The following C8orf58 variants were observed in gnomAD, a reference collection of about 807,000 sequenced individuals.
C8orf58 encodes uncharacterized protein C8orf58.
In C8orf58, 31 loss-of-function variants were observed where a neutral mutation model predicts 36.8. The observed-to-expected ratio is 0.84, with a 90% CI of 0.63 to 1.14. The LOEUF (loss-of-function observed/expected upper bound fraction) is 1.14, where lower values mean the gene tolerates loss of function less well. C8orf58 is among the 50% of genes most tolerant of loss of function. C8orf58 has a pLI of 0.00. For missense variants in C8orf58, 538 were observed against 480.8 expected, an observed-to-expected ratio of 1.12 and a Z score of -1.11; for synonymous variants, 230 against 200.2, an observed-to-expected ratio of 1.15 and a Z score of -1.26.
At position 22,603,506 on chromosome 8, in the gene C8orf58, C is replaced by G. The variant is rs552167838; in HGVS notation, c.*200C>G. 2 of 626,300 alleles carry G rather than the reference C, an allele frequency of 3.2e-6. No individual in the cohort carries two copies. Among genetic ancestry groups the G allele is most frequent in the Admixed American group, 2.4e-5 (1 of 41,318 alleles). The allele number at this position is 626,300 out of a possible 1,614,324, so 38.8% of individuals were successfully genotyped here. A position where few individuals can be genotyped will look rare whatever the true frequency, so the allele number is the denominator to read the frequency against. On this transcript the variant is annotated 3_prime_UTR_variant, in exon 7 of 7. Transcript: ENST00000289989. ...GGTTTCTTGAGAGGCCCCCAAGATG[C>G]CGCAGCTCCAGGGCTCTTCCTCCTC...
rs1226701940 is a variant in C8orf58, at chr8:22,603,725, C to A, written c.*419C>A. 8 of 316,502 alleles carry A rather than the reference C, an allele frequency of 2.5e-5. No homozygotes were observed. The highest frequency in any genetic ancestry group is 5.0e-5 in the Non-Finnish European group (8 of 160,436). 19.6% of individuals were successfully genotyped at this position (316,502 alleles called of 1,614,324 possible). ...AACCATCTCTTCTGAAATAATGCAT[C>A]CAAAGGGTTGATATTCTGGGGGAGG... is the stretch of plus-strand genomic sequence containing the variant. On this transcript the variant is annotated 3_prime_UTR_variant, in exon 7 of 7. Transcript: ENST00000289989.
In C8orf58 at chr8:22,601,237, A is replaced by G. The variant is rs1800846130; in HGVS notation, c.396A>G (p.Ser132=). The stretch of plus-strand genomic sequence containing the variant: ...TCCCAACAGCTCCCACCAGCTTGTC[A>G]GGACAACACCGCTCCCTGCGGCTGG... ...RRLPTAPTSL[S]GQHRSLRLAS... Residue 132 remains serine (S), a synonymous_variant, in exon 2 of 7, where the codon TCA becomes TCG. Coordinates refer to ENST00000289989, the MANE Select transcript of C8orf58 (RefSeq NM_001013842.3). 1 of 1,610,408 alleles carries G rather than the reference A, an allele frequency of 6.2e-7. No homozygotes were observed. The highest frequency in any genetic ancestry group is 8.5e-7 in the Non-Finnish European group (1 of 1,178,920).
rs764326504 is a variant in C8orf58, at chr8:22,601,336, G to A, written c.495G>A (p.Glu165=). Residue 165 remains glutamate, a synonymous_variant, in exon 2 of 7, where the codon GAG becomes GAA. Transcript: ENST00000289989. ...CCATGGAGGCAGACACAGACCTAGA[G>A]GCAGGCCTGGAAGAAGAGGCGGTGA... The part of the protein sequence containing the change: ...QESMEADTDL[E]AGLEEEAVGG... 4.4e-6 allele frequency: 7 copies of A among 1,587,032 alleles called. No homozygotes were observed. Among genetic ancestry groups the A allele is most frequent in the African/African-American group, 2.7e-5 (2 of 74,370 alleles).
In C8orf58 at chr8:22,601,792, G is replaced by A. The variant is rs763051825; in HGVS notation, c.597G>A (p.Leu199=). 6.8e-6 allele frequency: 11 copies of A among 1,612,502 alleles called. No homozygotes were observed. The highest frequency in any genetic ancestry group is 9.3e-6 in the Non-Finnish European group (11 of 1,179,792). Residue 199 remains leucine (L), a synonymous_variant, in exon 3 of 7, where the codon CTG becomes CTA. Coordinates refer to ENST00000289989, the MANE Select transcript of C8orf58 (RefSeq NM_001013842.3). ...ATCTGGAACACCTGTGCCTGGTGCT[G>A]GAGCAGATGGCAAGGCTCCAGCAGC... ...LRYLEHLCLV[L]EQMARLQQLY...
In C8orf58 at chr8:22,603,167, A is replaced by G; in HGVS notation, c.987-28A>G. 1 of 1,517,886 alleles carries G rather than the reference A, an allele frequency of 6.6e-7. No homozygotes were observed. Among genetic ancestry groups the G allele is most frequent in the African/African-American group, 1.4e-5 (1 of 72,958 alleles). 94.0% of individuals were successfully genotyped at this position (1,517,886 alleles called of 1,614,324 possible). On this transcript the variant is annotated intron_variant, in intron 6 of 6. Coordinates refer to ENST00000289989, the MANE Select transcript of C8orf58 (RefSeq NM_001013842.3). ...ATTGTTAGTTTTATTTCCCCCTTCTAGCCTAATGTCTTCTTTTCATTCCAC... is the reference window on the plus strand; with the variant it reads ...ATTGTTAGTTTTATTTCCCCCTTCTGGCCTAATGTCTTCTTTTCATTCCAC...
chr8:22,603,123 TTC>T, intron 6 of C8orf58, 70 bp from the exon 7 acceptor site: 1 of 1,174,304 alleles, frequency 8.5e-7, no homozygotes, highest in Non-Finnish European at 1.3e-6. Context: ...ATAAACCACG[TTC>T]TCTCAACTCT....
chr8:22,600,949 C>G lies in C8orf58; in HGVS notation c.108C>G (p.Ile36Met), dbSNP rs1330675595. ...GAGTCACCAGCACCTACAGACGGAT[C>G]CCCGACGCTGCCCACGGGTGCTCAT... Reference protein sequence around the residue: ...VPGVTSTYRRIPDAAHGCSSW... With the variant: ...VPGVTSTYRRMPDAAHGCSSW... Residue 36 changes from isoleucine to methionine, a missense_variant, in exon 2 of 7, where the codon ATC becomes ATG. Physicochemically the swap from Ile to Met is conservative, Grantham distance 10 (BLOSUM62 1). Transcript: ENST00000289989. 7.4e-6 allele frequency: 12 copies of G among 1,612,366 alleles called. No individual in the cohort carries two copies. Among genetic ancestry groups the G allele is most frequent in the Non-Finnish European group, 1.0e-5 (12 of 1,179,996 alleles).
Position 22,602,210 on chromosome 8 carries a change from TGC to T in C8orf58, c.778_779del (p.Ala260PhefsTer58). On this transcript the variant is annotated frameshift_variant, in exon 5 of 7. Coordinates refer to ENST00000289989, the MANE Select transcript of C8orf58 (RefSeq NM_001013842.3). LOFTEE classifies it high-confidence loss of function. ...SQTEHTGAKA[A>X]SPPKVEVPSA... ...ACTGTCTTTCTGAAGGAGCAAAGGC[TGC>T]TTCACCCCCAAAGGTGGAGGTGCCC... 6.2e-7 allele frequency: 1 copy of T among 1,601,576 alleles called. No individual in the cohort carries two copies. Among genetic ancestry groups the T allele is most frequent in the Non-Finnish European group, 8.5e-7 (1 of 1,175,034 alleles).
At position 22,603,310 on chromosome 8, in the gene C8orf58, C is replaced by T; in HGVS notation, c.*4C>T. 6.2e-7 allele frequency: 1 copy of T among 1,600,262 alleles called. No individual in the cohort carries two copies. The highest frequency in any genetic ancestry group is 8.6e-7 in the Non-Finnish European group (1 of 1,167,566). On this transcript the variant is annotated 3_prime_UTR_variant, in exon 7 of 7. Transcript: ENST00000289989. ...AAAAAACCTTTCTGTAGGCTGAGAC[C>T]TCTCGGTGCACCTGGTGACCCTGGG...
intron 3 of C8orf58, 54 bp downstream of exon 3, chr8:22,601,906 T>C (rs1461325038): frequency 1.9e-6 from 3 of 1,559,026 alleles, no homozygotes; most frequent in African/African-American, 1.4e-5. Flanking sequence ...CTGGGAACCA[T>C]GGCTGCCCTC....
At chr8:22,600,196 T>G in intron 1 of C8orf58, 1 of 164,360 alleles carries the variant, frequency 6.1e-6, no homozygotes, top group Non-Finnish European at 1.3e-5. Flanking sequence ...CTGTTTCCCG[T>G]ACCGTTCATT....
In C8orf58 at chr8:22,601,331, C is replaced by T; in HGVS notation, c.490C>T (p.Leu164=). The part of the protein sequence containing the change: ...QQESMEADTD[L]EAGLEEEAVG... ...GGAGTCCATGGAGGCAGACACAGAC[C>T]TAGAGGCAGGCCTGGAAGAAGAGGC... The change falls in exon 2 of 7, where the codon CTA becomes TTA. Residue 164 remains leucine, a synonymous_variant. Transcript: ENST00000289989. 1 of 1,590,100 alleles carries T rather than the reference C, an allele frequency of 6.3e-7. No homozygotes were observed. Among genetic ancestry groups the T allele is most frequent in the South Asian group, 1.1e-5 (1 of 89,644 alleles).
At chr8:22,600,007 C>T (rs1289373340) in intron 1 of C8orf58, 11 of 345,304 alleles carry the variant, frequency 3.2e-5, no homozygotes, top group African/African-American at 6.4e-5. Context: ...CCTCCGGCTC[C>T]GCTTCCCTCG....
rs1800832876 is a variant in C8orf58 at position 22,601,021 on chromosome 8, CTT to C, written c.182_183del (p.Phe61SerfsTer33). On this transcript the variant is annotated frameshift_variant, in exon 2 of 7. Coordinates refer to ENST00000289989, the MANE Select transcript of C8orf58 (RefSeq NM_001013842.3). LOFTEE classifies it high-confidence loss of function. The part of the protein sequence containing the change: ...KFRGVGREAL[F>X]LKLASRDSGV... ...TCAGAGGTGTCGGCAGGGAGGCACT[CTT>C]TCTCAAACTGGCCTCCCGGGACTCA... is the stretch of plus-strand genomic sequence containing the variant. 11 of 1,612,724 alleles carry C rather than the reference CTT, an allele frequency of 6.8e-6. No homozygotes were observed. The highest frequency in any genetic ancestry group is 9.3e-6 in the Non-Finnish European group (11 of 1,180,028).
chr8:22,603,507 C>T lies in C8orf58; in HGVS notation c.*201C>T, dbSNP rs3735902. 1.3e-5 allele frequency: 8 copies of T among 624,072 alleles called. No individual in the cohort carries two copies. Among genetic ancestry groups the T allele is most frequent in the African/African-American group, 3.7e-5 (2 of 54,568 alleles). The allele number at this position is 624,072 out of a possible 1,614,324, so 38.7% of individuals were successfully genotyped here. A position where few individuals can be genotyped will look rare whatever the true frequency, so the allele number is the denominator to read the frequency against. ...GTTTCTTGAGAGGCCCCCAAGATGC[C>T]GCAGCTCCAGGGCTCTTCCTCCTCA... On this transcript the variant is annotated 3_prime_UTR_variant, in exon 7 of 7. Coordinates refer to ENST00000289989, the MANE Select transcript of C8orf58 (RefSeq NM_001013842.3).
At chr8:22,603,121 C>T (rs746706558) in intron 6 of C8orf58, 74 bp from the exon 7 acceptor site, 8 of 1,150,472 alleles carry the variant, frequency 7.0e-6, no homozygotes, top group Non-Finnish European at 1.3e-6. Flanking sequence ...AGATAAACCA[C>T]GTTCTCTCAA....
chr8:22,600,948 T>TC lies in C8orf58; in HGVS notation c.111dup (p.Asp38ArgfsTer13). On this transcript the variant is annotated frameshift_variant, in exon 2 of 7. Coordinates refer to ENST00000289989, the MANE Select transcript of C8orf58 (RefSeq NM_001013842.3). LOFTEE classifies it high-confidence loss of function. ...GGAGTCACCAGCACCTACAGACGGATCCCCGACGCTGCCCACGGGTGCTCA... is the reference window on the plus strand; with the variant it reads ...GGAGTCACCAGCACCTACAGACGGATCCCCCGACGCTGCCCACGGGTGCTCA... 1 of 1,612,348 alleles carries TC rather than the reference T, an allele frequency of 6.2e-7. No individual in the cohort carries two copies. The highest frequency in any genetic ancestry group is 8.5e-7 in the Non-Finnish European group (1 of 1,179,966).
At chr8:22,602,452 G>A (rs1387911577) in intron 5 of C8orf58, 85 bp from the exon 6 acceptor site, 1 of 1,362,678 alleles carries the variant, frequency 7.3e-7, no homozygotes. Context: ...GACTTGTCCT[G>A]GCTGTGGCGA....
intron 1 of C8orf58, chr8:22,600,012 C>G (rs992414743): frequency 2.9e-6 from 1 of 340,252 alleles, no homozygotes; most frequent in African/African-American, 2.1e-5. Context: ...GGCTCCGCTT[C>G]CCTCGCCTTC....
Sources: gnomAD v4.1 joint callset for allele counts on GRCh38, gnomAD v4.1.1 for gene constraint, MANE v1.5 for transcripts, NCBI Gene and HGNC (gene_info 2026-07-23, HGNC 2026-07-21) for gene names.